GPHN: variants seen among roughly 807,000 people sequenced by gnomAD.
GPHN encodes the protein gephyrin.
GPHN carries 17 observed loss-of-function variants against 95.5 expected under a neutral mutation model. The ratio of observed to expected loss-of-function variants is 0.18; its 90% CI spans 0.12 to 0.27. The LOEUF is 0.27. GPHN is among the 10% of genes least tolerant of loss of function. The probability of loss-of-function intolerance (pLI) is 1.00; values close to 1 mark genes in which losing one functional copy is unlikely to be tolerated. For synonymous variants in GPHN, 320 were observed against 322.5 expected, an observed-to-expected ratio of 0.99 and a Z score of 0.08; for missense variants, 660 against 978.1, an observed-to-expected ratio of 0.67 and a Z score of 4.34.
At chr14:67,334,817 A>AATC in the GPHN span, 1 of 152,208 alleles carries the variant, frequency 6.6e-6, no homozygotes, top group African/African-American at 2.4e-5. Flanking sequence ...GCACTTACTT[A>AATC]ATCTTTTCAG....
At chr14:66,759,858 T>G (rs2153452227) in intron 2 of GPHN, among the ~76,000 whole-genome samples, 1 of 152,306 alleles carries the variant, frequency 6.6e-6, no homozygotes, top group African/African-American at 2.4e-5. Flanking sequence ...GTAATATAAC[T>G]AATTAAAATC....
At chr14:66,855,925 A>T (rs2062784858) in intron 4 of GPHN, among the ~76,000 whole-genome samples, 1 of 152,140 alleles carries the variant, frequency 6.6e-6, no homozygotes, top group Non-Finnish European at 1.5e-5. Flanking sequence ...ACATTAGGAC[A>T]CTTACCATTT....
intron 1 of GPHN, among the ~76,000 whole-genome samples, chr14:66,559,797 G>T (rs1237613248): frequency 6.6e-6 from 1 of 151,990 alleles, no homozygotes; most frequent in African/African-American, 2.4e-5. Context: ...TGGTGTTTTA[G>T]ACATGAAGTC....
the GPHN span, among the ~76,000 whole-genome samples, chr14:67,699,116 G>C: frequency 6.6e-6 from 1 of 152,060 alleles, no homozygotes; most frequent in African/African-American, 2.4e-5. Flanking sequence ...AGCTGGGCAT[G>C]GTGGCAGGCA....
At chr14:67,050,334 C>G (rs1056588158) in intron 10 of GPHN, among the ~76,000 whole-genome samples, 2 of 152,166 alleles carry the variant, frequency 1.3e-5, no homozygotes, top group African/African-American at 4.8e-5. Flanking sequence ...GAAAGCACTG[C>G]TTTACTTTTT....
chr14:67,508,761 A>AAAAAAAAAAAAAAAAAAAAAAAAAAAAC, the GPHN span, among the ~76,000 whole-genome samples: 1 of 149,622 alleles, frequency 6.7e-6, no homozygotes, highest in Non-Finnish European at 1.5e-5. Context: ...CTCAAAAAAA[A>AAAAAAAAAAAAAAAAAAAAAAAAAAAAC]AAAAAAAAAA....
the GPHN span, among the ~76,000 whole-genome samples, chr14:67,434,523 G>A: frequency 1.3e-5 from 2 of 152,184 alleles, no homozygotes; most frequent in Non-Finnish European, 2.9e-5. Context: ...TCGCTGATGG[G>A]AGCCTGGGAG....
chr14:67,472,407 C>T, the GPHN span: 2 of 152,384 alleles, frequency 1.3e-5, no homozygotes, highest in Admixed American at 6.5e-5. Flanking sequence ...ACTGACTTGC[C>T]TCTAGGTCCC....
chr14:67,635,656 C>G, the GPHN span, among the ~76,000 whole-genome samples: 1 of 152,126 alleles, frequency 6.6e-6, no homozygotes, highest in Non-Finnish European at 1.5e-5. Flanking sequence ...GAGTTCCAGA[C>G]CAGTCTGGCC....
At chr14:67,026,590 G>C (rs1373174667) in intron 10 of GPHN, among the ~76,000 whole-genome samples, 1 of 152,132 alleles carries the variant, frequency 6.6e-6, no homozygotes, top group African/African-American at 2.4e-5. Context: ...TGGTATATGA[G>C]TTGAAGCCAG....
chr14:67,598,956 C>T, the GPHN span, among the ~76,000 whole-genome samples: 2 of 152,164 alleles, frequency 1.3e-5, no homozygotes, highest in African/African-American at 4.8e-5. Flanking sequence ...GTGATCCGCC[C>T]GCCTCAGCTT....
intron 8 of GPHN, among the ~76,000 whole-genome samples, chr14:66,937,523 G>A (rs2067194304): frequency 1.3e-5 from 2 of 152,032 alleles, no homozygotes; most frequent in Non-Finnish European, 2.9e-5. Context: ...GGGATTACAG[G>A]CATGTGCCAC....
chr14:66,758,085 GAC>G (rs2058629133), intron 2 of GPHN, among the ~76,000 whole-genome samples: 1 of 152,160 alleles, frequency 6.6e-6, no homozygotes, highest in Admixed American at 6.5e-5. Flanking sequence ...TTAAAGTGAA[GAC>G]ACCACTCAAA....
chr14:66,760,941 G>T (rs1236557796), intron 2 of GPHN: 2 of 816,968 alleles, frequency 2.4e-6, no homozygotes, highest in South Asian at 2.6e-5. Flanking sequence ...AGCCTCTTTT[G>T]CAGGCAAAGG....
the GPHN span, among the ~76,000 whole-genome samples, chr14:67,232,212 G>T: frequency 6.6e-6 from 1 of 152,112 alleles, no homozygotes; most frequent in Non-Finnish European, 1.5e-5. Flanking sequence ...TTCTGTCTTT[G>T]TTGCTCCCTC....
intron 17 of GPHN, among the ~76,000 whole-genome samples, chr14:67,135,662 G>A (rs1041776540): frequency 2.0e-5 from 3 of 151,894 alleles, no homozygotes; most frequent in Non-Finnish European, 2.9e-5. Flanking sequence ...ATTGTACCAG[G>A]ACATATTTAG....
At chr14:66,842,182 A>G (rs12101156) in intron 4 of GPHN, among the ~76,000 whole-genome samples, 28,126 of 151,948 alleles carry the variant, frequency 0.19, 3,019 homozygotes, top group Non-Finnish European at 0.25. Context: ...AAATGGAATT[A>G]AAATCCATCA....
the GPHN span, among the ~76,000 whole-genome samples, chr14:67,275,433 C>T: frequency 1.3e-5 from 2 of 152,102 alleles, no homozygotes; most frequent in Admixed American, 6.5e-5. Flanking sequence ...TATTGATTTG[C>T]GTATGTTGAA....
At chr14:67,631,038 G>T in the GPHN span, among the ~76,000 whole-genome samples, 1 of 152,070 alleles carries the variant, frequency 6.6e-6, no homozygotes, top group Non-Finnish European at 1.5e-5. Context: ...GACAGTCCCT[G>T]CTCCAGCATT....
Sources: allele counts gnomAD v4.1 joint callset (sites outside exome capture counted in the v4.1 genomes callset), GRCh38; gene constraint gnomAD v4.1.1; transcripts MANE v1.5; gene names NCBI Gene and HGNC (gene_info 2026-07-23, HGNC 2026-07-21).